The following DACH2 variants were observed in gnomAD, a reference collection of about 807,000 sequenced individuals.
DACH2 encodes the protein dachshund homolog 2.
A neutral mutation model predicts 35.8 loss-of-function variants in DACH2; 17 were observed. That is an observed-to-expected ratio of 0.48 (90% CI 0.33 to 0.71). The LOEUF (loss-of-function observed/expected upper bound fraction) is 0.71, where lower values mean the gene tolerates loss of function less well. DACH2 is among the 30% of genes least tolerant of loss of function. DACH2 has a pLI of 0.02. For synonymous variants in DACH2, 195 were observed against 177.3 expected, an observed-to-expected ratio of 1.10 and a Z score of -0.79; for missense variants, 469 against 472.7, an observed-to-expected ratio of 0.99 and a Z score of 0.07.
chrX:86,704,779 ACACT>A (rs763794369), intron 5 of DACH2, among the ~76,000 whole-genome samples: 1 of 110,991 alleles, frequency 9.0e-6, no homozygotes, highest in East Asian at 2.8e-4. Flanking sequence ...TGAAAAGGGA[ACACT>A]TCTACACTGC....
intron 3 of DACH2, among the ~76,000 whole-genome samples, chrX:86,637,997 A>C (rs1304058145): frequency 8.9e-6 from 1 of 111,843 alleles, no homozygotes; most frequent in Admixed American, 9.5e-5. Flanking sequence ...GTATCACAAT[A>C]CTGATCCCAA....
chrX:86,503,737 A>T (rs747502886), intron 2 of DACH2, among the ~76,000 whole-genome samples: 1 of 112,150 alleles, frequency 8.9e-6, no homozygotes, highest in African/African-American at 3.2e-5. Flanking sequence ...AAGATATGTT[A>T]TAAGTATGGG....
At chrX:86,816,834 C>T (rs1435311340) in intron 11 of DACH2, among the ~76,000 whole-genome samples, 2 of 111,720 alleles carry the variant, frequency 1.8e-5, no homozygotes, top group Non-Finnish European at 3.8e-5. Flanking sequence ...TTTATTTTCA[C>T]ATTTATTGTG....
chrX:86,804,976 T>C (rs917774166), intron 7 of DACH2, among the ~76,000 whole-genome samples: 34 of 112,314 alleles, frequency 3.0e-4, no homozygotes, highest in African/African-American at 1.0e-3. Context: ...AGGCTGTTGG[T>C]GAATCCATAA....
At chrX:86,286,887 A>G (rs2034163017) in intron 1 of DACH2, among the ~76,000 whole-genome samples, 1 of 112,165 alleles carries the variant, frequency 8.9e-6, no homozygotes, top group Non-Finnish European at 1.9e-5. Flanking sequence ...GTGTTTCTAT[A>G]TAAAGTAAGA....
intron 1 of DACH2, among the ~76,000 whole-genome samples, chrX:86,337,755 G>A (rs1409155536): frequency 8.9e-6 from 1 of 111,865 alleles, no homozygotes; most frequent in Non-Finnish European, 1.9e-5. Flanking sequence ...CTAATTAAAA[G>A]TCATAGACTG....
intron 3 of DACH2, among the ~76,000 whole-genome samples, chrX:86,556,777 TATATATATATATATATATAGAG>T (rs1393587557): frequency 4.7e-5 from 3 of 63,771 alleles, no homozygotes; most frequent in African/African-American, 1.9e-4. Context: ...TATATATATA[TATATATATATATATATATAGAG>T]AGAGAGAGAG....
chrX:86,598,635 T>C (rs1353089125), intron 3 of DACH2, among the ~76,000 whole-genome samples: 2 of 110,775 alleles, frequency 1.8e-5, no homozygotes, highest in African/African-American at 3.3e-5. Flanking sequence ...GTGGCTTAGC[T>C]TTTTTCTCTC....
intron 1 of DACH2, among the ~76,000 whole-genome samples, chrX:86,149,964 C>T (rs183197215): frequency 9.0e-6 from 1 of 111,565 alleles, no homozygotes; most frequent in African/African-American, 3.3e-5. Context: ...GGATCCCATT[C>T]CCTTAAAGAC....
intron 2 of DACH2, among the ~76,000 whole-genome samples, chrX:86,410,772 T>A (rs1485043648): frequency 9.2e-6 from 1 of 108,988 alleles, no homozygotes; most frequent in Non-Finnish European, 1.9e-5. Context: ...GGAGCTAGGA[T>A]GCAAATTACT....
chrX:86,799,344 T>G, intron 7 of DACH2: 1 of 130,566 alleles, frequency 7.7e-6, no homozygotes, highest in Non-Finnish European at 1.5e-5. Flanking sequence ...TGCATGGGAA[T>G]AAATATACAA....
rs754462295 is a variant in DACH2 at position 86,442,391 on chromosome X, GT to G, written c.527+65544del. ...TGTGTGTGTGTGTGTGTGTGTGTAT[GT>G]TTTTTTTTTTTTTTGCTATTGTCTT... On this transcript the variant is annotated intron_variant, in intron 2 of 11. Coordinates refer to ENST00000373125, the MANE Select transcript of DACH2 (RefSeq NM_053281.3). 7.4e-3 allele frequency among the ~76,000 whole-genome samples: 524 copies of G among 70,498 alleles called. 2 individuals carry two copies. Among genetic ancestry groups the G allele is most frequent in the East Asian group, 0.024 (48 of 1,966 alleles). 61.2% of individuals were successfully genotyped at this position (70,498 alleles called of 115,157 possible). A position where few individuals can be genotyped will look rare whatever the true frequency, so the allele number is the denominator to read the frequency against.
At chrX:86,206,114 G>C (rs1158518484) in intron 1 of DACH2, among the ~76,000 whole-genome samples, 1 of 111,386 alleles carries the variant, frequency 9.0e-6, no homozygotes, top group Non-Finnish European at 1.9e-5. Flanking sequence ...TGCATTATAT[G>C]TGTGAAGAAC....
intron 11 of DACH2, chrX:86,828,483 C>T (rs2042582516): frequency 9.0e-6 from 1 of 111,465 alleles, no homozygotes; most frequent in Admixed American, 9.6e-5. Context: ...GATACCCAAG[C>T]TGCTAAAAAT....
At chrX:86,216,156 G>A (rs145349524) in intron 1 of DACH2, among the ~76,000 whole-genome samples, 3,674 of 111,844 alleles carry the variant, frequency 0.033, 147 homozygotes, top group African/African-American at 0.11. Context: ...TGGACAGATT[G>A]CCAAATATTA....
At chrX:86,785,094 A>T (rs1028640091) in intron 7 of DACH2, among the ~76,000 whole-genome samples, 2 of 111,210 alleles carry the variant, frequency 1.8e-5, no homozygotes, top group Non-Finnish European at 3.8e-5. Flanking sequence ...ATTTACCTGT[A>T]TACCAAACCT....
chrX:86,648,807 A>G (rs928569553), intron 3 of DACH2, among the ~76,000 whole-genome samples: 1 of 110,708 alleles, frequency 9.0e-6, no homozygotes, highest in Admixed American at 9.6e-5. Context: ...AATCAAATAA[A>G]TTTTTTCTGC....
chrX:86,217,311 G>A (rs898818149), intron 1 of DACH2, among the ~76,000 whole-genome samples: 1 of 111,324 alleles, frequency 9.0e-6, no homozygotes, highest in African/African-American at 3.3e-5. Context: ...AAGAAAAATA[G>A]GTTGACTTGC....
intron 2 of DACH2, among the ~76,000 whole-genome samples, chrX:86,385,643 G>A (rs138637889): frequency 0.038 from 4,219 of 110,521 alleles, 103 homozygotes; most frequent in East Asian, 0.2. Flanking sequence ...TATCTTTGGG[G>A]GTCCTGGAAC....
Sources: gnomAD v4.1 joint callset for allele counts (sites outside exome capture counted in the v4.1 genomes callset) on GRCh38, gnomAD v4.1.1 for gene constraint, MANE v1.5 for transcripts, NCBI Gene and HGNC (gene_info 2026-07-23, HGNC 2026-07-21) for gene names.